The following KSR2 variants were observed in gnomAD, a reference collection of about 807,000 sequenced individuals.
KSR2 encodes the protein kinase suppressor of ras 2.
KSR2 carries 25 observed loss-of-function variants against 107.8 expected under a neutral mutation model. The observed-to-expected ratio is 0.23, with a 90% CI of 0.17 to 0.32. KSR2 has a LOEUF of 0.32. KSR2 is among the 10% of genes least tolerant of loss of function. The probability of loss-of-function intolerance (pLI) is 1.00; values close to 1 mark genes in which losing one functional copy is unlikely to be tolerated. For missense variants in KSR2, 887 were observed against 1,268.9 expected (o/e 0.70, Z 4.57); for synonymous variants, 480 against 507.0 (o/e 0.95, Z 0.71).
intron 9 of KSR2, among the ~76,000 whole-genome samples, chr12:117,541,581 G>T (rs987000107): frequency 6.6e-6 from 1 of 152,192 alleles, no homozygotes; most frequent in Non-Finnish European, 1.5e-5. Context: ...CCACAGGACA[G>T]TGGTCACTTG....
At chr12:117,540,737 G>A (rs967648239) in intron 9 of KSR2, among the ~76,000 whole-genome samples, 4 of 152,172 alleles carry the variant, frequency 2.6e-5, no homozygotes, top group Non-Finnish European at 1.5e-5. Context: ...AAGGACTGCC[G>A]GAGCCACCAG....
At chr12:117,826,299 T>C (rs1891748132) in intron 3 of KSR2, among the ~76,000 whole-genome samples, 1 of 152,036 alleles carries the variant, frequency 6.6e-6, no homozygotes, top group African/African-American at 2.4e-5. Flanking sequence ...TCCCAGGTGC[T>C]AAAGGACTTA....
At chr12:117,564,736 CCTGGTGTGTATTAT>C (rs1565902579) in intron 7 of KSR2, among the ~76,000 whole-genome samples, 1 of 151,972 alleles carries the variant, frequency 6.6e-6, no homozygotes, top group Non-Finnish European at 1.5e-5. Flanking sequence ...TTGAAAGGTG[CCTGGTGTGTATTAT>C]CTGGTGGGTA....
chr12:117,541,026 T>G (rs1330441194), intron 9 of KSR2, among the ~76,000 whole-genome samples: 1 of 152,252 alleles, frequency 6.6e-6, no homozygotes, highest in Admixed American at 6.5e-5. Context: ...TTTTGTCCTC[T>G]GTAAAATGGG....
chr12:117,592,093 C>T (rs1326567703), intron 5 of KSR2, among the ~76,000 whole-genome samples: 1 of 151,230 alleles, frequency 6.6e-6, no homozygotes, highest in Non-Finnish European at 1.5e-5. Context: ...TATTCACATA[C>T]TCACCCTCAA....
intron 3 of KSR2, among the ~76,000 whole-genome samples, chr12:117,789,077 T>C (rs1219236992): frequency 6.6e-6 from 1 of 152,236 alleles, no homozygotes; most frequent in Non-Finnish European, 1.5e-5. Context: ...GGTCCAGTGA[T>C]CTCACTTTGC....
chr12:117,762,462 T>C (rs1210533288), intron 3 of KSR2, among the ~76,000 whole-genome samples: 1 of 152,236 alleles, frequency 6.6e-6, no homozygotes, highest in African/African-American at 2.4e-5. Context: ...CCTGGTCCCC[T>C]GGACTTACAT....
intron 1 of KSR2, among the ~76,000 whole-genome samples, chr12:117,880,918 C>T (rs887233149): frequency 6.6e-6 from 1 of 151,850 alleles, no homozygotes; most frequent in African/African-American, 2.4e-5. Flanking sequence ...GATCTGCCTG[C>T]CTCGGCCTCC....
At chr12:117,492,176 C>T (rs984184436) in intron 14 of KSR2, among the ~76,000 whole-genome samples, 1 of 152,200 alleles carries the variant, frequency 6.6e-6, no homozygotes, top group Non-Finnish European at 1.5e-5. Context: ...CCCTTTGAGT[C>T]CCTATCTCAG....
chr12:117,655,059 G>C lies in KSR2; in HGVS notation c.1171+12415C>G, dbSNP rs1376467158. On this transcript the variant is annotated intron_variant, in intron 5 of 19. Coordinates refer to ENST00000339824, the MANE Select transcript of KSR2 (RefSeq NM_173598.6). ...CCCTCGATATGTCACCATTCCTCAG[G>C]GTGATCAGCCAGCTACCTGGTGGCA... Among the ~76,000 whole-genome samples, 3 of 152,206 alleles carry C rather than the reference G, an allele frequency of 2.0e-5. No individual in the cohort carries two copies. The South Asian group carries it at 6.2e-4, about 32-fold the overall frequency.
intron 3 of KSR2, among the ~76,000 whole-genome samples, chr12:117,843,710 C>T (rs1196673291): frequency 6.6e-6 from 1 of 152,146 alleles, no homozygotes; most frequent in Non-Finnish European, 1.5e-5. Flanking sequence ...CCTCAATGAC[C>T]AACAGCCGAC....
In KSR2 at chr12:117,688,347, G is replaced by A. The variant is rs150277303; in HGVS notation, c.987-20689C>T. On this transcript the variant is annotated intron_variant, in intron 4 of 19. Coordinates refer to ENST00000339824, the MANE Select transcript of KSR2 (RefSeq NM_173598.6). Reference sequence around the variant, plus strand: ...GTGAGCCATCACGCCACTGCACCCCGGCCTGGGTGACAGAGCAAGACCTTG... The same window carrying A: ...GTGAGCCATCACGCCACTGCACCCCAGCCTGGGTGACAGAGCAAGACCTTG... 5.4e-3 allele frequency among the ~76,000 whole-genome samples: 823 copies of A among 152,228 alleles called. 2 individuals are homozygous for A. Among genetic ancestry groups the A allele is most frequent in the Middle Eastern group, 0.02 (6 of 294 alleles).
rs59605571 is a variant in KSR2, at chr12:117,656,981, G to GATATATATATAT, written c.1171+10481_1171+10492dup. On this transcript the variant is annotated intron_variant, in intron 5 of 19. Coordinates refer to ENST00000339824, the MANE Select transcript of KSR2 (RefSeq NM_173598.6). The stretch of plus-strand genomic sequence containing the variant: ...ATAATAGGATATATATATATAATAG[G>GATATATATATAT]ATATATATATATATATATATATATA... Among the ~76,000 whole-genome samples the GATATATATATAT allele has an allele frequency of 2.1e-3, 203 of 98,156 alleles. 2 individuals carry two copies. Among genetic ancestry groups the GATATATATATAT allele is most frequent in the African/African-American group, 5.2e-3 (121 of 23,122 alleles). The allele number at this position is 98,156 out of a possible 152,430, so 64.4% of individuals were successfully genotyped here.
chr12:117,887,620 A>C (rs1460451906), intron 1 of KSR2, among the ~76,000 whole-genome samples: 1 of 152,138 alleles, frequency 6.6e-6, no homozygotes, highest in Admixed American at 6.5e-5. Context: ...GCTTCAACAA[A>C]GGAATTGTTT....
chr12:117,949,357 A>G (rs1896292693), intron 1 of KSR2, among the ~76,000 whole-genome samples: 1 of 152,142 alleles, frequency 6.6e-6, no homozygotes, highest in African/African-American at 2.4e-5. Context: ...TGCAACTCAC[A>G]TATCTCACGA....
intron 5 of KSR2, among the ~76,000 whole-genome samples, chr12:117,586,945 G>C (rs192533602): frequency 1.4e-3 from 210 of 152,298 alleles, no homozygotes; most frequent in Admixed American, 2.9e-3. Flanking sequence ...GAATATTGAG[G>C]CTTAGAAGCA....
intron 3 of KSR2, among the ~76,000 whole-genome samples, chr12:117,805,303 C>T (rs547227817): frequency 7.2e-5 from 11 of 152,354 alleles, no homozygotes; most frequent in African/African-American, 2.6e-4. Flanking sequence ...CTTTGAACCA[C>T]CTTGGGCCAA....
chr12:117,697,570 A>G (rs71452614), intron 4 of KSR2, among the ~76,000 whole-genome samples: 1 of 152,044 alleles, frequency 6.6e-6, no homozygotes, highest in Admixed American at 6.6e-5. Context: ...GTGAAACCCT[A>G]TTCTACTGAA....
At chr12:117,909,782 C>A (rs773167899) in intron 1 of KSR2, among the ~76,000 whole-genome samples, 1 of 151,812 alleles carries the variant, frequency 6.6e-6, no homozygotes, top group Non-Finnish European at 1.5e-5. Flanking sequence ...GTGGCGCATG[C>A]CTGTAGTCCC....
Sources: allele counts gnomAD v4.1 joint callset (sites outside exome capture counted in the v4.1 genomes callset), GRCh38; gene constraint gnomAD v4.1.1; transcripts MANE v1.5; gene names NCBI Gene and HGNC (gene_info 2026-07-23, HGNC 2026-07-21).